The following RGSL1 variants were observed in gnomAD, a reference collection of about 807,000 sequenced individuals.
RGSL1 encodes regulator of G protein signaling protein-like.
In RGSL1, 97 loss-of-function variants were observed where a neutral mutation model predicts 124.7. The observed-to-expected ratio is 0.78, with a 90% CI of 0.66 to 0.92. RGSL1 has a LOEUF of 0.92. Among genes scored for constraint, RGSL1 ranks in the 40% least tolerant of loss-of-function variants. RGSL1 has a pLI of 0.00. For synonymous variants in RGSL1, 424 were observed against 438.1 expected, an observed-to-expected ratio of 0.97 and a Z score of 0.40; for missense variants, 1,233 against 1,288.4, an observed-to-expected ratio of 0.96 and a Z score of 0.66.
chr1:182,551,225 A>G lies in RGSL1; in HGVS notation c.3043+16A>G, dbSNP rs764623725. 1.3e-6 allele frequency: 2 copies of G among 1,527,232 alleles called. No homozygotes were observed. The highest frequency in any genetic ancestry group is 2.4e-5 in the South Asian group (2 of 83,604). 94.6% of individuals were successfully genotyped at this position (1,527,232 alleles called of 1,614,324 possible). ...TCGAGTGGAGGTAAGCTCCACCACG[A>G]CTCACAGCCCCATTCTCCAGCAACC... On this transcript the variant is annotated intron_variant, in intron 18 of 21. Coordinates refer to ENST00000294854, the MANE Select transcript of RGSL1 (RefSeq NM_001137669.2).
At chr1:182,512,993 G>C (rs1473902820) in intron 9 of RGSL1, among the ~76,000 whole-genome samples, 1 of 152,164 alleles carries the variant, frequency 6.6e-6, no homozygotes, top group Non-Finnish European at 1.5e-5. Context: ...GGTTTATATG[G>C]GCACAGGACG....
At chr1:182,503,909 T>C (rs1656591423) in intron 9 of RGSL1, among the ~76,000 whole-genome samples, 1 of 152,068 alleles carries the variant, frequency 6.6e-6, no homozygotes, top group Non-Finnish European at 1.5e-5. Flanking sequence ...ATTAAAAGTT[T>C]TTTAAAAAAC....
chr1:182,474,686 T>C, intron 6 of RGSL1, 144 bp downstream of exon 6: 1 of 1,292,076 alleles, frequency 7.7e-7, no homozygotes. Flanking sequence ...GGTTGATCTG[T>C]TAAGGCAGGG....
At chr1:182,554,421 GACAC>G (rs1309939316) in intron 19 of RGSL1, among the ~76,000 whole-genome samples, 1 of 152,114 alleles carries the variant, frequency 6.6e-6, no homozygotes, top group Non-Finnish European at 1.5e-5. Flanking sequence ...GGTTTCCTGG[GACAC>G]ACACAAACAC....
At chr1:182,523,509 G>A (rs568594) in intron 10 of RGSL1, among the ~76,000 whole-genome samples, 131,531 of 152,142 alleles carry the variant, frequency 0.86, 57,178 homozygotes, top group Non-Finnish European at 0.89. Context: ...CATTATGCCT[G>A]TAGAAATACT....
intron 9 of RGSL1, among the ~76,000 whole-genome samples, chr1:182,501,115 T>C (rs79980267): frequency 0.022 from 3,352 of 152,212 alleles, 118 homozygotes; most frequent in African/African-American, 0.074. Context: ...GACTATAATG[T>C]TTCCTGTGAC....
chr1:182,472,611 T>C, intron 5 of RGSL1, 54 bp downstream of exon 5: 2 of 1,451,850 alleles, frequency 1.4e-6, no homozygotes, highest in Non-Finnish European at 1.8e-6. Flanking sequence ...GTAAATCCAG[T>C]GTCTGATAAT....
At chr1:182,477,311 C>A (rs1262446526) in intron 6 of RGSL1, among the ~76,000 whole-genome samples, 1 of 152,192 alleles carries the variant, frequency 6.6e-6, no homozygotes, top group Non-Finnish European at 1.5e-5. Flanking sequence ...ACCAGACCCA[C>A]CCTCCCATGG....
chr1:182,515,328 T>C (rs1280237101), intron 9 of RGSL1, among the ~76,000 whole-genome samples: 1 of 152,124 alleles, frequency 6.6e-6, no homozygotes, highest in Non-Finnish European at 1.5e-5. Context: ...TGGCTTTGAA[T>C]CCTTCAGATC....
chr1:182,531,133 G>A (rs1226030217), intron 13 of RGSL1, among the ~76,000 whole-genome samples: 1 of 152,192 alleles, frequency 6.6e-6, no homozygotes, highest in Non-Finnish European at 1.5e-5. Context: ...GAAAGTTAGT[G>A]TAGAGGACAT....
At chr1:182,533,292 G>A (rs1571674945) in intron 14 of RGSL1, among the ~76,000 whole-genome samples, 1 of 110,706 alleles carries the variant, frequency 9.0e-6, no homozygotes, top group Non-Finnish European at 1.7e-5. Flanking sequence ...TTTGTAACTT[G>A]CTTCTTTTTT....
chr1:182,517,120 G>C (rs1657955406), intron 9 of RGSL1, among the ~76,000 whole-genome samples: 1 of 151,960 alleles, frequency 6.6e-6, no homozygotes, highest in African/African-American at 2.4e-5. Flanking sequence ...ATATTTGAAA[G>C]ATAACTTTTC....
At chr1:182,508,302 T>TG (rs1238544955) in intron 9 of RGSL1, among the ~76,000 whole-genome samples, 4 of 138,722 alleles carry the variant, frequency 2.9e-5, no homozygotes, top group Non-Finnish European at 4.7e-5. Context: ...TTTTTTTTTT[T>TG]TTTTTTTTTT....
At chr1:182,548,503 C>T (rs1660361946) in intron 16 of RGSL1, 48 bp downstream of exon 16, 8 of 1,547,860 alleles carry the variant, frequency 5.2e-6, no homozygotes, top group Non-Finnish European at 7.0e-6. Flanking sequence ...AGAAGCATTT[C>T]CCCCACAAGG....
chr1:182,461,911 A>G (rs1652869278), intron 4 of RGSL1, among the ~76,000 whole-genome samples: 1 of 152,194 alleles, frequency 6.6e-6, no homozygotes, highest in Non-Finnish European at 1.5e-5. Context: ...ATGGAAGTCT[A>G]GAAAAAGAGT....
chr1:182,551,440 C>T (rs541407887), intron 18 of RGSL1, among the ~76,000 whole-genome samples: 37 of 152,298 alleles, frequency 2.4e-4, no homozygotes, highest in Middle Eastern at 3.4e-3. Context: ...TCCAGGACGC[C>T]TCTGTGCATG....
At position 182,476,556 on chromosome 1, in the gene RGSL1, G is replaced by A. The variant is rs561184402; in HGVS notation, c.1431+2014G>A. On this transcript the variant is annotated intron_variant, in intron 6 of 21. Coordinates refer to ENST00000294854, the MANE Select transcript of RGSL1 (RefSeq NM_001137669.2). Reference sequence around the variant, plus strand: ...GCTATTGTCTTCTAACTGATGCCTCGGTGTCTACCCTTGCCCCTCATCAAC... The same window carrying A: ...GCTATTGTCTTCTAACTGATGCCTCAGTGTCTACCCTTGCCCCTCATCAAC... Among the ~76,000 whole-genome samples, 8 of 152,094 alleles carry A rather than the reference G, an allele frequency of 5.3e-5. No homozygotes were observed. The South Asian group carries it at 1.5e-3, about 28-fold the overall frequency.
intron 14 of RGSL1, among the ~76,000 whole-genome samples, chr1:182,536,488 A>G (rs933025423): frequency 1.3e-5 from 2 of 152,218 alleles, no homozygotes; most frequent in African/African-American, 4.8e-5. Flanking sequence ...AATTTTAGCC[A>G]TTCTAGAGGG....
intron 6 of RGSL1, among the ~76,000 whole-genome samples, chr1:182,477,414 C>T (rs1017193668): frequency 6.6e-6 from 1 of 152,214 alleles, no homozygotes; most frequent in African/African-American, 2.4e-5. Flanking sequence ...GACCCAGCTC[C>T]ACATTGCTCA....
Sources: gnomAD v4.1 joint callset for allele counts (sites outside exome capture counted in the v4.1 genomes callset) on GRCh38, gnomAD v4.1.1 for gene constraint, MANE v1.5 for transcripts, NCBI Gene and HGNC (gene_info 2026-07-23, HGNC 2026-07-21) for gene names.